Variants in EDA observed in about 807,000 individuals in gnomAD.
EDA encodes the protein ectodysplasin A.
A neutral mutation model predicts 23.6 loss-of-function variants in EDA; 2 were observed. That is an observed-to-expected ratio of 0.08 (90% confidence interval 0.03 to 0.27). The LOEUF (loss-of-function observed/expected upper bound fraction) is 0.27, where lower values mean the gene tolerates loss of function less well. Ranked by LOEUF, EDA falls within the 10% of genes least tolerant of loss-of-function variation. The pLI, the probability that EDA is intolerant of heterozygous loss-of-function variation, is 1.00. For synonymous variants in EDA, 131 were observed against 132.0 expected, an observed-to-expected ratio of 0.99 and a Z score of 0.05; for missense variants, 229 against 324.2, an observed-to-expected ratio of 0.71 and a Z score of 2.26.
chrX:69,645,722 A>C (rs1305543570), intron 1 of EDA, among the ~76,000 whole-genome samples: 3 of 106,130 alleles, frequency 2.8e-5, no homozygotes, highest in African/African-American at 1.0e-4. Flanking sequence ...GGTGTGCCTC[A>C]CCCATTAACT....
At chrX:69,790,273 G>A (rs1299004216) in intron 1 of EDA, among the ~76,000 whole-genome samples, 1 of 110,084 alleles carries the variant, frequency 9.1e-6, no homozygotes, top group Non-Finnish European at 1.9e-5. Flanking sequence ...GTGCAGGTTT[G>A]TTACATATGT....
Position 69,833,325 on chromosome X carries a change from C to G in EDA, c.397-123702C>G, listed in dbSNP as rs749599221. Among the ~76,000 whole-genome samples the G allele has an allele frequency of 3.6e-5, 4 of 111,347 alleles. No homozygotes were observed. In the East Asian group the frequency reaches 1.1e-3, roughly 31 times the overall value. The stretch of plus-strand genomic sequence containing the variant: ...TGTGGTTTTTTTGTTGTTGTTGGTT[C>G]TGTGTGGATTACGTTTATTGATTTG... On this transcript the variant is annotated intron_variant, in intron 1 of 7. Transcript: ENST00000374552.
intron 1 of EDA, among the ~76,000 whole-genome samples, chrX:69,814,087 G>T (rs1320975264): frequency 8.9e-6 from 1 of 112,764 alleles, no homozygotes; most frequent in African/African-American, 3.2e-5. Flanking sequence ...AACAAAAAAT[G>T]AAGTGTTATC....
intron 1 of EDA, among the ~76,000 whole-genome samples, chrX:69,956,271 T>C: frequency 1.2e-5 from 1 of 81,230 alleles, no homozygotes; most frequent in East Asian, 3.1e-4. Flanking sequence ...AAATTCAAGG[T>C]TTTCTTTCTT....
At chrX:69,864,049 A>C (rs1412410973) in intron 1 of EDA, among the ~76,000 whole-genome samples, 4 of 110,455 alleles carry the variant, frequency 3.6e-5, no homozygotes, top group Non-Finnish European at 7.6e-5. Flanking sequence ...AGCTAACTTA[A>C]TTGCTCTCTC....
intron 1 of EDA, among the ~76,000 whole-genome samples, chrX:69,931,866 C>T (rs763888134): frequency 1.8e-4 from 20 of 111,811 alleles, no homozygotes; most frequent in African/African-American, 5.5e-4. Context: ...GAAATAAAAG[C>T]GTATGTCCAC....
rs1365155098 is a variant in EDA at position 70,027,758 on chromosome X, G to A, written c.527-99G>A. On this transcript the variant is annotated intron_variant, in intron 3 of 7. Transcript: ENST00000374552. ...GAATCGCTTGAACCCGGGAGGTGGA[G>A]GTTGCAGTGAGCCGAGATCGTGCCA... 1.6e-5 allele frequency: 8 copies of A among 495,777 alleles called. No individual in the cohort carries two copies. The East Asian group carries it at 3.1e-4, about 19-fold the overall frequency. 40.9% of individuals were successfully genotyped at this position (495,777 alleles called of 1,213,427 possible). A position where few individuals can be genotyped will look rare whatever the true frequency, so the allele number is the denominator to read the frequency against.
Position 69,918,625 on chromosome X carries a change from C to T in EDA, c.397-38402C>T, listed in dbSNP as rs566716790. 3.4e-4 allele frequency among the ~76,000 whole-genome samples: 38 copies of T among 112,014 alleles called. No homozygotes were observed. The Admixed American group carries it at 3.6e-3, about 11-fold the overall frequency. On this transcript the variant is annotated intron_variant, in intron 1 of 7. Transcript: ENST00000374552. The stretch of plus-strand genomic sequence containing the variant: ...CTTTAGCAGTCAAGTGAGTTAATTT[C>T]CTTTCAGTTTTATCAAAACCATTTC...
At chrX:69,789,272 A>C (rs1212414509) in intron 1 of EDA, among the ~76,000 whole-genome samples, 4 of 112,049 alleles carry the variant, frequency 3.6e-5, no homozygotes, top group African/African-American at 1.3e-4. Flanking sequence ...TCACACTGGG[A>C]GCTGTAGACC....
Position 69,981,455 on chromosome X carries a change from A to G in EDA, c.502+24323A>G, listed in dbSNP as rs184222243. 4.1e-3 allele frequency among the ~76,000 whole-genome samples: 443 copies of G among 106,979 alleles called. 4 individuals are homozygous for G. Among genetic ancestry groups the G allele is most frequent in the Non-Finnish European group, 6.9e-3 (362 of 52,548 alleles). The allele number at this position is 106,979 out of a possible 115,157, so 92.9% of individuals were successfully genotyped here. A position where few individuals can be genotyped will look rare whatever the true frequency, so the allele number is the denominator to read the frequency against. ...TGGGGATTAGAGATAGTAAGTAATT[A>G]TAATATCAAGATGAGATGACAATAT... On this transcript the variant is annotated intron_variant, in intron 2 of 7. Transcript: ENST00000374552.
intron 1 of EDA, among the ~76,000 whole-genome samples, chrX:69,711,567 G>C (rs1223901078): frequency 9.0e-6 from 1 of 111,686 alleles, no homozygotes; most frequent in Non-Finnish European, 1.9e-5. Flanking sequence ...CAGAAGGAAT[G>C]GTACCAGCTC....
At chrX:69,943,584 C>CT (rs2018793437) in intron 1 of EDA, among the ~76,000 whole-genome samples, 1 of 111,489 alleles carries the variant, frequency 9.0e-6, no homozygotes, top group Non-Finnish European at 1.9e-5. Flanking sequence ...CAAAGCACCA[C>CT]TGTGGCCACC....
At chrX:69,714,409 A>G (rs1272169376) in intron 1 of EDA, among the ~76,000 whole-genome samples, 1 of 111,500 alleles carries the variant, frequency 9.0e-6, no homozygotes, top group Admixed American at 9.6e-5. Flanking sequence ...AATTTTGGTA[A>G]GGTCCAATTT....
chrX:69,656,545 T>C lies in EDA; in HGVS notation c.396+39841T>C, dbSNP rs191375247. Among the ~76,000 whole-genome samples the C allele has an allele frequency of 3.6e-5, 4 of 111,855 alleles. No individual in the cohort carries two copies. The East Asian group carries it at 1.1e-3, about 31-fold the overall frequency. Reference sequence around the variant, plus strand: ...GATTCAGGGGGGACATGTGCAGTTTTCTTATATAGGTATATTGCAGGATGC... The same window carrying C: ...GATTCAGGGGGGACATGTGCAGTTTCCTTATATAGGTATATTGCAGGATGC... On this transcript the variant is annotated intron_variant, in intron 1 of 7. Coordinates refer to ENST00000374552, the MANE Select transcript of EDA (RefSeq NM_001399.5).
At chrX:69,943,046 T>C (rs2018784398) in intron 1 of EDA, among the ~76,000 whole-genome samples, 1 of 111,001 alleles carries the variant, frequency 9.0e-6, no homozygotes, top group Non-Finnish European at 1.9e-5. Flanking sequence ...TCTTTATTCT[T>C]TTGTTTCAAT....
chrX:69,903,514 G>C lies in EDA; in HGVS notation c.397-53513G>C, dbSNP rs957625565. Among the ~76,000 whole-genome samples, 13 of 108,922 alleles carry C rather than the reference G, an allele frequency of 1.2e-4. 1 individual carries two copies. The highest frequency in any genetic ancestry group is 2.3e-4 in the Non-Finnish European group (12 of 52,494). 94.6% of individuals were successfully genotyped at this position (108,922 alleles called of 115,157 possible). On this transcript the variant is annotated intron_variant, in intron 1 of 7. Transcript: ENST00000374552. ...CAATAGCACTGACATATTATATATT[G>C]TCTGTCACATTTTCTCTTCTGAAGT...
intron 1 of EDA, among the ~76,000 whole-genome samples, chrX:69,822,305 A>G (rs1454868676): frequency 1.8e-5 from 2 of 110,928 alleles, no homozygotes; most frequent in African/African-American, 6.6e-5. Context: ...AAAATTAAAG[A>G]AAATTGGGGC....
chrX:69,759,034 C>CA (rs1026181719), intron 1 of EDA, among the ~76,000 whole-genome samples: 1 of 112,467 alleles, frequency 8.9e-6, no homozygotes, highest in Non-Finnish European at 1.9e-5. Flanking sequence ...AAAGTTACTT[C>CA]AAGTCATTAA....
At chrX:69,734,922 A>T (rs777715269) in intron 1 of EDA, among the ~76,000 whole-genome samples, 1 of 111,527 alleles carries the variant, frequency 9.0e-6, no homozygotes, top group East Asian at 2.8e-4. Flanking sequence ...CATTGTTGGT[A>T]GGATTCTAAA....
Sources: allele counts gnomAD v4.1 joint callset (sites outside exome capture counted in the v4.1 genomes callset), GRCh38; gene constraint gnomAD v4.1.1; transcripts MANE v1.5; gene names NCBI Gene and HGNC (gene_info 2026-07-23, HGNC 2026-07-21).